Variants in TUT4 observed in about 807,000 individuals in gnomAD.
TUT4 encodes the protein terminal uridylyltransferase 4.
Under a neutral mutation model 192.2 loss-of-function variants are expected in TUT4, and 36 were observed. That is an observed-to-expected ratio of 0.19 (90% CI 0.14 to 0.25). The LOEUF is 0.25. TUT4 is among the 10% of genes least tolerant of loss of function. The pLI is 1.00. For missense variants in TUT4, 1,493 were observed against 1,957.2 expected (o/e 0.76, Z 4.47); for synonymous variants, 618 against 666.0 (o/e 0.93, Z 1.11).
At chr1:52,480,564 G>A (rs1668244920) in intron 11 of TUT4, among the ~76,000 whole-genome samples, 1 of 152,190 alleles carries the variant, frequency 6.6e-6, no homozygotes, top group South Asian at 2.1e-4. Flanking sequence ...AGGAATAGCT[G>A]GGAGGGGAAG....
At chr1:52,477,621 C>T in intron 12 of TUT4, 87 bp downstream of exon 12, 1 of 1,327,148 alleles carries the variant, frequency 7.5e-7, no homozygotes, top group Non-Finnish European at 1.0e-6. Flanking sequence ...TATAGTGCCA[C>T]AAAGCCAAAG....
chr1:52,440,002 A>G (rs1229671653), intron 24 of TUT4, among the ~76,000 whole-genome samples: 3 of 152,186 alleles, frequency 2.0e-5, no homozygotes, highest in Non-Finnish European at 4.4e-5. Context: ...TCACACTAAA[A>G]TGAAAGAAGC....
chr1:52,548,279 T>A (rs1688582018), intron 1 of TUT4, among the ~76,000 whole-genome samples: 1 of 152,132 alleles, frequency 6.6e-6, no homozygotes, highest in South Asian at 2.1e-4. Context: ...TAAACTATAG[T>A]GTTAGTTAAA....
intron 1 of TUT4, among the ~76,000 whole-genome samples, chr1:52,539,840 G>A (rs1159342585): frequency 6.6e-6 from 1 of 151,748 alleles, no homozygotes; most frequent in Non-Finnish European, 1.5e-5. Flanking sequence ...CAGGAGGCGG[G>A]GGTTGCAGTG....
intron 1 of TUT4, among the ~76,000 whole-genome samples, chr1:52,551,396 G>A (rs754509582): frequency 1.2e-4 from 19 of 152,116 alleles, no homozygotes; most frequent in Non-Finnish European, 2.1e-4. Context: ...ATTTATCTAA[G>A]AGTTTTAAAA....
At chr1:52,494,857 T>C (rs1219115344) in intron 6 of TUT4, among the ~76,000 whole-genome samples, 2 of 152,066 alleles carry the variant, frequency 1.3e-5, no homozygotes, top group Admixed American at 6.5e-5. Context: ...GATATGTCAA[T>C]AAAGAATGTC....
chr1:52,526,364 G>A lies in TUT4; in HGVS notation c.-84C>T. ...TTTAAATTGCTTCAAGTCCAGTTTA[G>A]GCAAGCAAACTATTGGGTTAAAAAA... is the stretch of plus-strand genomic sequence containing the variant. On this transcript the variant is annotated 5_prime_UTR_variant, in exon 2 of 30. Transcript: ENST00000257177. 8.2e-7 allele frequency: 1 copy of A among 1,220,396 alleles called. No homozygotes were observed. Among genetic ancestry groups the A allele is most frequent in the Non-Finnish European group, 1.1e-6 (1 of 948,108 alleles). The allele number at this position is 1,220,396 out of a possible 1,614,324, so 75.6% of individuals were successfully genotyped here.
chr1:52,513,312 G>GCAATGGTACATTGC (rs1677767646), intron 3 of TUT4, among the ~76,000 whole-genome samples: 1 of 147,106 alleles, frequency 6.8e-6, no homozygotes, highest in Non-Finnish European at 1.5e-5. Context: ...TTAGGTACCT[G>GCAATGGTACATTGC]AGCCTGGGAG....
At chr1:52,494,352 T>C (rs1671930030) in intron 6 of TUT4, among the ~76,000 whole-genome samples, 1 of 152,152 alleles carries the variant, frequency 6.6e-6, no homozygotes, top group Non-Finnish European at 1.5e-5. Context: ...TAAAATACTA[T>C]TTTATGTAAC....
At chr1:52,426,310 G>A (rs1649905734) in intron 28 of TUT4, among the ~76,000 whole-genome samples, 1 of 152,088 alleles carries the variant, frequency 6.6e-6, no homozygotes. Context: ...TAGCATATAG[G>A]TAGGTACTCA....
chr1:52,506,165 A>T (rs1274759593), intron 4 of TUT4, among the ~76,000 whole-genome samples: 1 of 152,154 alleles, frequency 6.6e-6, no homozygotes, highest in Non-Finnish European at 1.5e-5. Context: ...CCTGGAATAA[A>T]GCCCCACTTG....
rs1268482694 is a variant in TUT4 at position 52,552,323 on chromosome 1, T to C, written c.-94+608A>G. Among the ~76,000 whole-genome samples, 4 of 152,254 alleles carry C rather than the reference T, an allele frequency of 2.6e-5. No homozygotes were observed. In the East Asian group the frequency reaches 7.7e-4, roughly 29 times the overall value. On this transcript the variant is annotated intron_variant, in intron 1 of 29. Coordinates refer to ENST00000257177, the MANE Select transcript of TUT4 (RefSeq NM_001009881.3). ...ATCTGTTTACAAATACGAATCTCAG[T>C]TACCCACGTCAAAACCGCGCATTAC...
chr1:52,529,280 C>T (rs1340243194), intron 1 of TUT4, among the ~76,000 whole-genome samples: 1 of 152,124 alleles, frequency 6.6e-6, no homozygotes, highest in Non-Finnish European at 1.5e-5. Flanking sequence ...TAGAAACTTA[C>T]AACTGCAAAA....
intron 1 of TUT4, among the ~76,000 whole-genome samples, chr1:52,539,146 T>G (rs1174296384): frequency 6.6e-6 from 1 of 152,026 alleles, no homozygotes; most frequent in African/African-American, 2.4e-5. Context: ...TTAAAAAAAC[T>G]AAAGAAACAT....
intron 4 of TUT4, among the ~76,000 whole-genome samples, chr1:52,499,879 T>C (rs976180574): frequency 4.0e-5 from 6 of 151,826 alleles, no homozygotes; most frequent in African/African-American, 1.5e-4. Flanking sequence ...AAGACCAGCC[T>C]GGCCAACATG....
intron 2 of TUT4, among the ~76,000 whole-genome samples, chr1:52,517,048 A>AT (rs1388984863): frequency 6.6e-6 from 1 of 152,206 alleles, no homozygotes; most frequent in African/African-American, 2.4e-5. Flanking sequence ...TCAAGTCTCA[A>AT]TATCTTTACA....
At chr1:52,490,650 CTTTT>C in intron 8 of TUT4, 78 bp downstream of exon 8, 1 of 1,227,342 alleles carries the variant, frequency 8.1e-7, no homozygotes, top group Non-Finnish European at 1.1e-6. Flanking sequence ...AAAACAAAAA[CTTTT>C]TCTCTTAAAG....
chr1:52,466,055 A>G (rs1664029331), intron 15 of TUT4, among the ~76,000 whole-genome samples: 1 of 152,032 alleles, frequency 6.6e-6, no homozygotes, highest in Admixed American at 6.6e-5. Flanking sequence ...TCTTCCTATT[A>G]ATTCTAAAGT....
At chr1:52,442,110 G>C (rs772761467) in intron 24 of TUT4, among the ~76,000 whole-genome samples, 2 of 139,304 alleles carry the variant, frequency 1.4e-5, no homozygotes, top group African/African-American at 2.9e-5. Context: ...GGAGGCTGCA[G>C]TGAGTTTTGA....
Sources: allele counts gnomAD v4.1 joint callset (sites outside exome capture counted in the v4.1 genomes callset), GRCh38; gene constraint gnomAD v4.1.1; transcripts MANE v1.5; gene names NCBI Gene and HGNC (gene_info 2026-07-23, HGNC 2026-07-21).